The following CSMD1 variants were observed in gnomAD, a reference collection of about 807,000 sequenced individuals.
The protein encoded by CSMD1 is CUB and sushi domain-containing protein 1.
CSMD1 carries 213 observed loss-of-function variants against 417.5 expected under a neutral mutation model. The ratio of observed to expected loss-of-function variants is 0.51; its 90% CI spans 0.46 to 0.57. The LOEUF (loss-of-function observed/expected upper bound fraction) is 0.57. Ranked by LOEUF, CSMD1 falls within the 20% of genes least tolerant of loss-of-function variation. CSMD1 has a pLI of 0.00. For synonymous variants in CSMD1, 2,862 were observed against 1,736.8 expected, an observed-to-expected ratio of 1.65 and a Z score of -16.11; for missense variants, 6,923 against 4,529.7, an observed-to-expected ratio of 1.53 and a Z score of -15.17.
chr8:4,026,939 C>T (rs1797093541), intron 4 of CSMD1, among the ~76,000 whole-genome samples: 1 of 152,132 alleles, frequency 6.6e-6, no homozygotes, highest in African/African-American at 2.4e-5. Flanking sequence ...AACAAACAAA[C>T]AAACAAACTG....
chr8:4,226,091 C>T (rs111328696), intron 3 of CSMD1, among the ~76,000 whole-genome samples: 1,886 of 151,718 alleles, frequency 0.012, 44 homozygotes, highest in African/African-American at 0.044. Flanking sequence ...CACACACACA[C>T]ACACACACAC....
intron 52 of CSMD1, among the ~76,000 whole-genome samples, chr8:3,013,923 C>G (rs1485489897): frequency 2.6e-5 from 4 of 152,056 alleles, no homozygotes. Flanking sequence ...ATTAATAAGA[C>G]TCAGCCTGAG....
chr8:4,646,136 G>A (rs981411647), intron 1 of CSMD1, among the ~76,000 whole-genome samples: 2 of 152,192 alleles, frequency 1.3e-5, no homozygotes, highest in Non-Finnish European at 2.9e-5. Context: ...AAGTTATTCT[G>A]AAGTCAATGC....
chr8:4,922,256 G>T (rs370754439), intron 1 of CSMD1, among the ~76,000 whole-genome samples: 3 of 152,094 alleles, frequency 2.0e-5, no homozygotes, highest in African/African-American at 7.2e-5. Context: ...CAGATGATAC[G>T]TACACTGAAT....
chr8:4,787,786 C>G, intron 1 of CSMD1: 1 of 1,572,652 alleles, frequency 6.4e-7, no homozygotes, highest in Non-Finnish European at 8.7e-7. Context: ...TGTTACAGGC[C>G]AGACTGAATT....
chr8:3,484,247 G>T (rs563146114), intron 11 of CSMD1, among the ~76,000 whole-genome samples: 2 of 152,296 alleles, frequency 1.3e-5, no homozygotes, highest in East Asian at 1.9e-4. Flanking sequence ...ACACATCAGT[G>T]TAACAGAACA....
intron 1 of CSMD1, among the ~76,000 whole-genome samples, chr8:4,757,642 T>A (rs1311209565): frequency 6.6e-6 from 1 of 152,138 alleles, no homozygotes; most frequent in Non-Finnish European, 1.5e-5. Flanking sequence ...CTTTTATGAA[T>A]AACACATCAT....
intron 2 of CSMD1, among the ~76,000 whole-genome samples, chr8:4,539,966 G>A (rs1797297796): frequency 6.6e-6 from 1 of 152,138 alleles, no homozygotes; most frequent in Non-Finnish European, 1.5e-5. Flanking sequence ...CCGTCCAGGT[G>A]CTGCCTGCAG....
At chr8:3,960,671 TA>T (rs1812263661) in intron 5 of CSMD1, among the ~76,000 whole-genome samples, 1 of 151,940 alleles carries the variant, frequency 6.6e-6, no homozygotes, top group African/African-American at 2.4e-5. Flanking sequence ...GAAGTTATGA[TA>T]AAACTTTTTA....
intron 3 of CSMD1, among the ~76,000 whole-genome samples, chr8:4,215,718 A>G (rs966073803): frequency 1.3e-5 from 2 of 152,224 alleles, no homozygotes; most frequent in African/African-American, 4.8e-5. Flanking sequence ...ACTCAAATGT[A>G]CATGTGAATC....
intron 3 of CSMD1, among the ~76,000 whole-genome samples, chr8:4,080,030 G>T (rs1287602493): frequency 1.3e-5 from 2 of 150,704 alleles, no homozygotes; most frequent in African/African-American, 2.4e-5. Context: ...GATATCAAAA[G>T]GGTGGTGAGT....
intron 5 of CSMD1, among the ~76,000 whole-genome samples, chr8:3,851,614 G>A (rs375524885): frequency 6.6e-6 from 1 of 151,794 alleles, no homozygotes; most frequent in Non-Finnish European, 1.5e-5. Flanking sequence ...TTTCACTGGA[G>A]AAAAAAACAT....
chr8:3,554,361 G>A (rs1001537878), intron 10 of CSMD1, among the ~76,000 whole-genome samples: 8 of 152,236 alleles, frequency 5.3e-5, no homozygotes, highest in African/African-American at 1.9e-4. Context: ...TGGCTGGCGA[G>A]GGCTGTGAAC....
At chr8:4,444,889 G>C (rs999348438) in intron 2 of CSMD1, among the ~76,000 whole-genome samples, 1 of 152,164 alleles carries the variant, frequency 6.6e-6, no homozygotes, top group Non-Finnish European at 1.5e-5. Flanking sequence ...TGATTGTTCA[G>C]ACTCTGACCT....
intron 1 of CSMD1, among the ~76,000 whole-genome samples, chr8:4,855,195 C>G (rs1801724076): frequency 6.7e-6 from 1 of 149,892 alleles, no homozygotes; most frequent in African/African-American, 2.4e-5. Context: ...AGACCTGCAG[C>G]TGACGGTCCT....
chr8:4,821,982 A>C (rs899651737), intron 1 of CSMD1, among the ~76,000 whole-genome samples: 1 of 152,152 alleles, frequency 6.6e-6, no homozygotes, highest in African/African-American at 2.4e-5. Flanking sequence ...ACGTAAAATA[A>C]AGTTCCTCTG....
intron 19 of CSMD1, among the ~76,000 whole-genome samples, chr8:3,367,863 G>C (rs530965089): frequency 1.2e-4 from 18 of 152,252 alleles, no homozygotes; most frequent in Non-Finnish European, 1.6e-4. Context: ...ATTGTCAGTA[G>C]ACTCTTAGGG....
intron 3 of CSMD1, among the ~76,000 whole-genome samples, chr8:4,386,075 T>C (rs1584994493): frequency 2.0e-5 from 3 of 152,338 alleles, no homozygotes; most frequent in East Asian, 3.9e-4. Context: ...TACCTTCTTG[T>C]GTTTGCTCTT....
chr8:3,705,987 G>A (rs17067066), intron 7 of CSMD1, among the ~76,000 whole-genome samples: 45,487 of 152,168 alleles, frequency 0.3, 7,375 homozygotes, highest in East Asian at 0.48. Flanking sequence ...TTCATACTCA[G>A]TCTCCTACAG....
Sources: gnomAD v4.1 joint callset for allele counts (sites outside exome capture counted in the v4.1 genomes callset) on GRCh38, gnomAD v4.1.1 for gene constraint, MANE v1.5 for transcripts, NCBI Gene and HGNC (gene_info 2026-07-23, HGNC 2026-07-21) for gene names.